The following SLMAP variants were observed in gnomAD, a reference collection of about 807,000 sequenced individuals.
SLMAP encodes the protein sarcolemmal membrane-associated protein.
A neutral mutation model predicts 128.8 loss-of-function variants in SLMAP; 44 were observed. The ratio of observed to expected loss-of-function variants is 0.34; its 90% CI spans 0.27 to 0.44. The LOEUF is 0.44. Among genes scored for constraint, SLMAP ranks in the 20% least tolerant of loss-of-function variants. SLMAP has a pLI of 1.00. For synonymous variants in SLMAP, 327 were observed against 348.8 expected (o/e 0.94, Z 0.70); for missense variants, 787 against 985.3 (o/e 0.80, Z 2.69).
At chr3:57,813,698 A>G (rs2091401746) in intron 2 of SLMAP, among the ~76,000 whole-genome samples, 1 of 152,250 alleles carries the variant, frequency 6.6e-6, no homozygotes, top group South Asian at 2.1e-4. Context: ...AAGGATGTGT[A>G]TAGGTGTTAA....
At chr3:57,922,552 C>A (rs1011837612) in intron 22 of SLMAP, among the ~76,000 whole-genome samples, 3 of 151,826 alleles carry the variant, frequency 2.0e-5, no homozygotes, top group African/African-American at 2.4e-5. Context: ...TCTCAGCCTC[C>A]CGAGTAGCTG....
intron 22 of SLMAP, 141 bp from the exon 23 acceptor site, chr3:57,922,748 A>G (rs2096940524): frequency 2.6e-6 from 2 of 756,844 alleles, no homozygotes; most frequent in Non-Finnish European, 4.2e-6. Flanking sequence ...TATGAGTGCA[A>G]GTTATTCCTC....
chr3:57,884,871 G>A (rs2095839447), intron 14 of SLMAP, among the ~76,000 whole-genome samples: 1 of 152,080 alleles, frequency 6.6e-6, no homozygotes, highest in Non-Finnish European at 1.5e-5. Flanking sequence ...GGCCCAGTGG[G>A]TGTAATAAGC....
chr3:57,876,853 G>A (rs1373753408), intron 14 of SLMAP, among the ~76,000 whole-genome samples: 2 of 152,174 alleles, frequency 1.3e-5, no homozygotes, highest in Admixed American at 1.3e-4. Context: ...TCTCTGGACT[G>A]CTGCCTGCCC....
intron 22 of SLMAP, among the ~76,000 whole-genome samples, chr3:57,920,666 G>A (rs1474053643): frequency 3.3e-5 from 5 of 151,998 alleles, no homozygotes; most frequent in Non-Finnish European, 4.4e-5. Context: ...CGTTACCTAT[G>A]GTATATCTAT....
At chr3:57,871,817 C>G (rs2095486042) in intron 14 of SLMAP, 119 bp downstream of exon 14, 1 of 693,786 alleles carries the variant, frequency 1.4e-6, no homozygotes, top group Non-Finnish European at 2.5e-6. Context: ...AAAGGGGCAT[C>G]TTTAGACAGC....
chr3:57,876,685 A>T (rs147757007), intron 14 of SLMAP, among the ~76,000 whole-genome samples: 2 of 152,212 alleles, frequency 1.3e-5, no homozygotes, highest in African/African-American at 4.8e-5. Context: ...TCTGCTAAAG[A>T]TGTTTTCCAA....
chr3:57,896,694 A>C (rs1455213569), intron 16 of SLMAP, 103 bp downstream of exon 16: 2 of 1,274,908 alleles, frequency 1.6e-6, no homozygotes, highest in Non-Finnish European at 2.1e-6. Flanking sequence ...TGGGGAAAAA[A>C]AAAACGCTTC....
chr3:57,902,269 A>G (rs2096404424), intron 17 of SLMAP: 1 of 152,296 alleles, frequency 6.6e-6, no homozygotes, highest in Non-Finnish European at 1.5e-5. Flanking sequence ...ATTTACATCT[A>G]TAAAATATTT....
At chr3:57,833,053 C>T (rs1482183960) in intron 3 of SLMAP, among the ~76,000 whole-genome samples, 2 of 152,110 alleles carry the variant, frequency 1.3e-5, no homozygotes, top group African/African-American at 2.4e-5. Context: ...GTGAGTAACC[C>T]ATAGAGAAAA....
chr3:57,862,638 CA>C (rs752561093), intron 10 of SLMAP, among the ~76,000 whole-genome samples: 91 of 96,374 alleles, frequency 9.4e-4, no homozygotes, highest in Admixed American at 1.3e-3. Flanking sequence ...CTTCGTCTCA[CA>C]AAAAAAAAAA....
At chr3:57,809,534 G>T (rs1310308635) in intron 2 of SLMAP, among the ~76,000 whole-genome samples, 1 of 152,188 alleles carries the variant, frequency 6.6e-6, no homozygotes, top group Non-Finnish European at 1.5e-5. Context: ...CCTACAGCCT[G>T]GGCACCACGA....
intron 14 of SLMAP, among the ~76,000 whole-genome samples, chr3:57,886,073 C>T (rs1288584602): frequency 5.4e-5 from 8 of 149,278 alleles, no homozygotes; most frequent in Admixed American, 2.0e-4. Flanking sequence ...TGAGCCAATG[C>T]GCCCAAGAAG....
chr3:57,781,556 C>T (rs905821957), intron 2 of SLMAP, among the ~76,000 whole-genome samples: 9 of 151,912 alleles, frequency 5.9e-5, no homozygotes, highest in Middle Eastern at 3.4e-3. Context: ...TAAAGAAACT[C>T]TGAAGGAGGC....
At chr3:57,796,347 G>A (rs2086730585) in intron 2 of SLMAP, among the ~76,000 whole-genome samples, 1 of 152,176 alleles carries the variant, frequency 6.6e-6, no homozygotes, top group South Asian at 2.1e-4. Flanking sequence ...TGCATGATGT[G>A]GTTGAAAGAG....
chr3:57,919,915 A>C (rs2153703076), intron 22 of SLMAP, among the ~76,000 whole-genome samples: 1 of 152,152 alleles, frequency 6.6e-6, no homozygotes, highest in East Asian at 1.9e-4. Flanking sequence ...CCACCCCCTC[A>C]CGTACTGGAG....
chr3:57,866,144 C>T (rs949206093), intron 13 of SLMAP, among the ~76,000 whole-genome samples: 9 of 152,174 alleles, frequency 5.9e-5, no homozygotes, highest in South Asian at 4.1e-4. Context: ...TTGTGGTGTG[C>T]GCCTGTAGTC....
At chr3:57,788,570 T>G (rs958325851) in intron 2 of SLMAP, among the ~76,000 whole-genome samples, 1 of 152,038 alleles carries the variant, frequency 6.6e-6, no homozygotes, top group African/African-American at 2.4e-5. Context: ...GGAAGAACCC[T>G]GGGGATGACC....
intron 16 of SLMAP, 38 bp from the exon 17 acceptor site, chr3:57,896,835 T>C: frequency 6.4e-7 from 1 of 1,563,870 alleles, no homozygotes; most frequent in Non-Finnish European, 8.6e-7. Context: ...ATCTGAATAC[T>C]GTCTGTAATT....
Sources: allele counts gnomAD v4.1 joint callset (sites outside exome capture counted in the v4.1 genomes callset), GRCh38; gene constraint gnomAD v4.1.1; transcripts MANE v1.5; gene names NCBI Gene and HGNC (gene_info 2026-07-23, HGNC 2026-07-21).